The following DMRT1 variants were observed in gnomAD, a reference collection of about 807,000 sequenced individuals.
The protein encoded by DMRT1 is doublesex and mab-3 related transcription factor 1.
In DMRT1, 7 loss-of-function variants were observed where a neutral mutation model predicts 32.3. The ratio of observed to expected loss-of-function variants is 0.22; its 90% CI spans 0.12 to 0.41. The LOEUF is 0.41. Among genes scored for constraint, DMRT1 ranks in the 10% least tolerant of loss-of-function variants. The pLI is 1.00. For synonymous variants in DMRT1, 278 were observed against 206.1 expected, an observed-to-expected ratio of 1.35 and a Z score of -2.99; for missense variants, 625 against 500.5, an observed-to-expected ratio of 1.25 and a Z score of -2.37.
chr9:952,779 G>A lies in DMRT1; in HGVS notation c.968-15206G>A, dbSNP rs1586658802. On this transcript the variant is annotated intron_variant, in intron 4 of 4. Transcript: ENST00000382276. ...CTGATCTACTTGGAATGTGGGATCA[G>A]GGAGGAGTGTGTGGGTTGGAGTCAG... Among the ~76,000 whole-genome samples the A allele has an allele frequency of 3.3e-5, 5 of 152,346 alleles. No individual in the cohort carries two copies. In the East Asian group the frequency reaches 9.6e-4, roughly 29 times the overall value.
At position 894,255 on chromosome 9, in the gene DMRT1, A is replaced by G. The variant is rs1024199073; in HGVS notation, c.822+60A>G. On this transcript the variant is annotated intron_variant, in intron 3 of 4. Transcript: ENST00000382276. ...GTGTGAAAGCCACATGCATGTGCAC[A>G]CACATGCACATACACACAGAGGCAC... is the stretch of plus-strand genomic sequence containing the variant. 10 of 1,517,816 alleles carry G rather than the reference A, an allele frequency of 6.6e-6. No homozygotes were observed. The Admixed American group carries it at 8.3e-5, about 13-fold the overall frequency. The allele number at this position is 1,517,816 out of a possible 1,614,324, so 94.0% of individuals were successfully genotyped here. A position where few individuals can be genotyped will look rare whatever the true frequency, so the allele number is the denominator to read the frequency against.
rs550800229 is a variant in DMRT1 at position 887,588 on chromosome 9, T to C, written c.539-6324T>C. On this transcript the variant is annotated intron_variant, in intron 2 of 4. Transcript: ENST00000382276. The stretch of plus-strand genomic sequence containing the variant: ...GCCAGGCTCATCTGGTCACTGTGGC[T>C]GGAGCGCGTCTTGTCCTTTCTCTCC... Among the ~76,000 whole-genome samples, 6 of 152,350 alleles carry C rather than the reference T, an allele frequency of 3.9e-5. No homozygotes were observed. The East Asian group carries it at 9.6e-4, about 24-fold the overall frequency.
At chr9:859,432 G>T (rs1238909870) in intron 2 of DMRT1, among the ~76,000 whole-genome samples, 2 of 152,166 alleles carry the variant, frequency 1.3e-5, no homozygotes, top group Non-Finnish European at 2.9e-5. Context: ...AGGGGTGCCT[G>T]TGGGTCCCCT....
Position 894,145 on chromosome 9 carries a change from C to CG in DMRT1, c.776dup (p.Leu260ProfsTer52). 1 of 1,614,128 alleles carries CG rather than the reference C, an allele frequency of 6.2e-7. No individual in the cohort carries two copies. On this transcript the variant is annotated frameshift_variant, in exon 3 of 5. Transcript: ENST00000382276. LOFTEE classifies it high-confidence loss of function. ...GGGATCCCCTGTGAAGAACAGCCTT[C>CG]GGGGCCTCCCCGGACCTTATGTGCC...
chr9:958,916 C>G (rs753512158), intron 4 of DMRT1, among the ~76,000 whole-genome samples: 7 of 152,164 alleles, frequency 4.6e-5, no homozygotes, highest in Non-Finnish European at 8.8e-5. Flanking sequence ...AATCCTTTTT[C>G]TTAGCCTTAA....
intron 4 of DMRT1, among the ~76,000 whole-genome samples, chr9:925,762 C>G (rs557744125): frequency 1.3e-5 from 2 of 152,278 alleles, no homozygotes; most frequent in African/African-American, 4.8e-5. Context: ...CTGGATAATG[C>G]TATTATCCCC....
At chr9:952,944 G>C (rs1293880191) in intron 4 of DMRT1, among the ~76,000 whole-genome samples, 1 of 152,074 alleles carries the variant, frequency 6.6e-6, no homozygotes. Context: ...AAGCCGAAAG[G>C]GTTTTTTTCC....
Position 842,246 on chromosome 9 carries a change from T to C in DMRT1, c.354+54T>C, listed in dbSNP as rs569156714. ...TCAGCCTTAGTTTTTTTTTTTTTTTTTTTTTTTAGATGGAGTCTCGCTCGG... is the reference window on the plus strand; with the variant it reads ...TCAGCCTTAGTTTTTTTTTTTTTTTCTTTTTTTAGATGGAGTCTCGCTCGG... On this transcript the variant is annotated intron_variant, in intron 1 of 4. Coordinates refer to ENST00000382276, the MANE Select transcript of DMRT1 (RefSeq NM_021951.3). 1.2e-4 allele frequency: 179 copies of C among 1,505,026 alleles called. No individual in the cohort carries two copies. The Middle Eastern group carries it at 1.9e-3, about 16-fold the overall frequency. The allele number at this position is 1,505,026 out of a possible 1,614,324, so 93.2% of individuals were successfully genotyped here.
At chr9:869,102 G>A (rs1447834603) in intron 2 of DMRT1, among the ~76,000 whole-genome samples, 1 of 152,190 alleles carries the variant, frequency 6.6e-6, no homozygotes, top group East Asian at 1.9e-4. Context: ...CTCTGATATA[G>A]TTTAGGGATG....
chr9:866,701 T>C (rs112813187), intron 2 of DMRT1, among the ~76,000 whole-genome samples: 1,762 of 152,312 alleles, frequency 0.012, 29 homozygotes, highest in African/African-American at 0.04. Flanking sequence ...CGGTGCATAA[T>C]TCCTCTTTAG....
chr9:843,011 C>T (rs1035878271), intron 1 of DMRT1: 1 of 152,238 alleles, frequency 6.6e-6, no homozygotes, highest in African/African-American at 2.4e-5. Flanking sequence ...TCTAGCCCCG[C>T]TCTTCTAGCA....
chr9:871,769 T>C (rs7854532), intron 2 of DMRT1, among the ~76,000 whole-genome samples: 3,722 of 150,762 alleles, frequency 0.025, 275 homozygotes, highest in African/African-American at 0.076. Context: ...CAACCGTGCC[T>C]GGCCGGCCTA....
intron 3 of DMRT1, among the ~76,000 whole-genome samples, chr9:904,231 C>T (rs1327562587): frequency 1.3e-5 from 2 of 152,136 alleles, no homozygotes; most frequent in African/African-American, 2.4e-5. Context: ...TGGCTGGTGG[C>T]CAAAATCTTA....
intron 2 of DMRT1, among the ~76,000 whole-genome samples, chr9:875,453 G>C (rs564375133): frequency 6.8e-4 from 104 of 152,232 alleles, no homozygotes; most frequent in Non-Finnish European, 1.3e-3. Context: ...TTTGATTACT[G>C]TCACATAGTT....
At chr9:891,397 G>A (rs1222275682) in intron 2 of DMRT1, among the ~76,000 whole-genome samples, 1 of 151,982 alleles carries the variant, frequency 6.6e-6, no homozygotes, top group African/African-American at 2.4e-5. Context: ...GTTGCAGTGA[G>A]CCGAGATCGT....
chr9:900,373 C>CT (rs1817526247), intron 3 of DMRT1, among the ~76,000 whole-genome samples: 2 of 152,098 alleles, frequency 1.3e-5, no homozygotes, highest in African/African-American at 4.8e-5. Context: ...TCCCACTGCC[C>CT]CCCCTTTTTT....
At chr9:952,512 G>A (rs915273317) in intron 4 of DMRT1, among the ~76,000 whole-genome samples, 3 of 152,160 alleles carry the variant, frequency 2.0e-5, no homozygotes, top group African/African-American at 7.2e-5. Context: ...GGAAGCTTGC[G>A]CCTAACAGTG....
At chr9:858,235 C>T (rs1319540478) in intron 2 of DMRT1, among the ~76,000 whole-genome samples, 3 of 152,146 alleles carry the variant, frequency 2.0e-5, no homozygotes, top group African/African-American at 4.8e-5. Flanking sequence ...TTCACAAAGA[C>T]TTTCAGACCT....
intron 2 of DMRT1, among the ~76,000 whole-genome samples, chr9:869,933 A>G (rs1055969166): frequency 1.3e-5 from 2 of 152,166 alleles, no homozygotes; most frequent in Non-Finnish European, 2.9e-5. Context: ...GACTTGGCTG[A>G]ACCTGAAGAC....
Sources: allele counts gnomAD v4.1 joint callset (sites outside exome capture counted in the v4.1 genomes callset), GRCh38; gene constraint gnomAD v4.1.1; transcripts MANE v1.5; gene names NCBI Gene and HGNC (gene_info 2026-07-23, HGNC 2026-07-21).